ODAD1: variants seen among roughly 807,000 people sequenced by gnomAD.
The protein encoded by ODAD1 is outer dynein arm-docking complex subunit 1.
Under a neutral mutation model 67.2 loss-of-function variants are expected in ODAD1, and 49 were observed. The ratio of observed to expected loss-of-function variants is 0.73; its 90% CI spans 0.58 to 0.92. The LOEUF (loss-of-function observed/expected upper bound fraction) is 0.92. ODAD1 is among the 40% of genes least tolerant of loss of function. The pLI, the probability that ODAD1 is intolerant of heterozygous loss-of-function variation, is 0.00. For synonymous variants in ODAD1, 345 were observed against 393.7 expected (o/e 0.88, Z 1.46); for missense variants, 897 against 953.7 (o/e 0.94, Z 0.78).
At chr19:48,316,528 G>C (rs1418876933) in intron 5 of ODAD1, among the ~76,000 whole-genome samples, 1 of 152,140 alleles carries the variant, frequency 6.6e-6, no homozygotes, top group African/African-American at 2.4e-5. Flanking sequence ...AATGGAGTTT[G>C]GGAAAGTTCT....
chr19:48,310,763 G>A (rs1011770942), intron 7 of ODAD1, among the ~76,000 whole-genome samples: 2 of 152,194 alleles, frequency 1.3e-5, no homozygotes, highest in South Asian at 4.1e-4. Context: ...ACCTTTTTCT[G>A]TAATTTGAAA....
intron 9 of ODAD1, 53 bp from the exon 10 acceptor site, chr19:48,303,837 G>A (rs1456381976): frequency 6.3e-7 from 1 of 1,578,050 alleles, no homozygotes; most frequent in Admixed American, 1.8e-5. Flanking sequence ...CCAACACAGA[G>A]ACCTCCTGGG....
Position 48,320,364 on chromosome 19 carries a change from G to C in ODAD1, c.5C>G (p.Pro2Arg), listed in dbSNP as rs894145037. The C allele has an allele frequency of 7.8e-7, 1 of 1,288,904 alleles. No homozygotes were observed. Among genetic ancestry groups the C allele is most frequent in the Non-Finnish European group, 1.0e-6 (1 of 988,322 alleles). The allele number at this position is 1,288,904 out of a possible 1,614,324, so 79.8% of individuals were successfully genotyped here. The stretch of plus-strand genomic sequence containing the variant: ...GGCGCTCCCTGCCAAGCGTCCCAAA[G>C]GCATCCTGGCCAAACAGGGTGGGGC... M[P>R]LGRLAGSARS... The change falls in exon 3 of 16, where the codon CCT (proline) becomes CGT (arginine). Residue 2 changes from proline to arginine, a missense_variant. Pro to Arg is a moderately radical substitution (Grantham distance 103, BLOSUM62 -2). Coordinates refer to ENST00000674294, the MANE Select transcript of ODAD1 (RefSeq NM_001364171.2).
chr19:48,315,665 C>T (rs1968878877), intron 5 of ODAD1, among the ~76,000 whole-genome samples: 1 of 152,144 alleles, frequency 6.6e-6, no homozygotes, highest in Non-Finnish European at 1.5e-5. Context: ...TTCCTGCAGT[C>T]GAGTCTCCCC....
At position 48,297,155 on chromosome 19, in the gene ODAD1, A is replaced by C. The variant is rs1448376983; in HGVS notation, c.1945T>G (p.Ser649Ala). ...RPVSASSYLG[S>A]TGYVGSSRGG... is the part of the protein sequence containing the mutation. ...CTGCTGGACCCCACGTATCCAGTGG[A>C]GCCCAGGTAGCTGCTGGCGCTGACG... The change falls in exon 16 of 16, where the codon TCC (serine) becomes GCC (alanine). Residue 649 changes from serine to alanine, a missense_variant. Physicochemically the swap from Ser to Ala is moderately conservative, Grantham distance 99. Transcript: ENST00000674294. 1 of 1,613,894 alleles carries C rather than the reference A, an allele frequency of 6.2e-7. No individual in the cohort carries two copies. Among genetic ancestry groups the C allele is most frequent in the Non-Finnish European group, 8.5e-7 (1 of 1,180,002 alleles).
Position 48,297,261 on chromosome 19 carries a change from G to C in ODAD1, c.1839C>G (p.Ile613Met), listed in dbSNP as rs760039135. Reference protein sequence around the residue: ...SSSTGHLPSHITHGDPNTGHV... With the variant: ...SSSTGHLPSHMTHGDPNTGHV... ...GGCCAGTGTTGGGGTCACCGTGCGT[G>C]ATGTGGCTGGGCAAATGCCCAGTGC... The change falls in exon 16 of 16, where the codon ATC becomes ATG. Residue 613 changes from isoleucine to methionine, a missense_variant. By Grantham distance (10) the Ile-to-Met change is conservative. Transcript: ENST00000674294. 1 of 1,614,008 alleles carries C rather than the reference G, an allele frequency of 6.2e-7. No individual in the cohort carries two copies. Among genetic ancestry groups the C allele is most frequent in the East Asian group, 2.2e-5 (1 of 44,900 alleles).
chr19:48,305,928 G>A (rs970688259), intron 8 of ODAD1, among the ~76,000 whole-genome samples: 14 of 151,774 alleles, frequency 9.2e-5, no homozygotes, highest in East Asian at 5.9e-4. Flanking sequence ...CCACGGTGCC[G>A]GGCACCTGTA....
Position 48,318,457 on chromosome 19 carries a change from A to G in ODAD1, c.290T>C (p.Leu97Pro), listed in dbSNP as rs1335455164. 1 of 1,551,598 alleles carries G rather than the reference A, an allele frequency of 6.4e-7. No homozygotes were observed. ...CGCCTGCACCTGGGCCCGGCCCTTC[A>G]GCAGGCGGTCCATGTTCTCCAGCCG... is the stretch of plus-strand genomic sequence containing the variant. The part of the protein sequence containing the change: ...SQRLENMDRL[L>P]KGRAQVQAEI... Residue 97 changes from leucine (L) to proline (P), a missense_variant, in exon 5 of 16, where the codon CTG (leucine) becomes CCG (proline). Leu to Pro is a moderately conservative substitution (Grantham distance 98). Transcript: ENST00000674294.
In ODAD1 at chr19:48,296,860, G is replaced by C; in HGVS notation, c.*116C>G. ...AAACAGTTGAAGGGGCAAAAAGACA[G>C]AGGCCTGCCACTGGGAGAAAAAGAC... On this transcript the variant is annotated 3_prime_UTR_variant, in exon 16 of 16. Coordinates refer to ENST00000674294, the MANE Select transcript of ODAD1 (RefSeq NM_001364171.2). The C allele has an allele frequency of 7.0e-7, 1 of 1,436,562 alleles. No homozygotes were observed. Among genetic ancestry groups the C allele is most frequent in the Non-Finnish European group, 9.1e-7 (1 of 1,101,846 alleles). 89.0% of individuals were successfully genotyped at this position (1,436,562 alleles called of 1,614,324 possible).
rs770121868 is a variant in ODAD1 at position 48,298,338 on chromosome 19, T to A, written c.1243A>T (p.Ile415Phe). Residue 415 changes from isoleucine to phenylalanine, a missense_variant and splice_region_variant, in exon 13 of 16, where the codon ATC becomes TTC. Coordinates refer to ENST00000674294, the MANE Select transcript of ODAD1 (RefSeq NM_001364171.2). ...TGGGCCTTGGTGAAGAGGAGCTGGA[T>A]ATCTGCGTCATGGAGGGCCGGTTGT... The part of the protein sequence containing the change: ...RGQLEKLKAD[I>F]QLLFTKAHCD... The A allele has an allele frequency of 1.9e-6, 3 of 1,614,000 alleles. No homozygotes were observed. In the South Asian group the frequency reaches 3.3e-5, roughly 18 times the overall value.
intron 8 of ODAD1, among the ~76,000 whole-genome samples, chr19:48,305,220 A>G (rs1968574932): frequency 6.6e-6 from 1 of 152,146 alleles, no homozygotes; most frequent in South Asian, 2.1e-4. Flanking sequence ...AGCTCATGAG[A>G]GCCCCAGAGA....
chr19:48,318,488 T>C lies in ODAD1; in HGVS notation c.259A>G (p.Ser87Gly), dbSNP rs1163357809. ...CGGTCCATGTTCTCCAGCCGCTGAC[T>C]GTCCCGAAGCCGCTTGACCTGGTTC... ...AQNQVKRLRD[S>G]QRLENMDRLL... The change falls in exon 5 of 16, where the codon AGT (serine) becomes GGT (glycine). Residue 87 changes from serine (S) to glycine (G), a missense_variant. By Grantham distance (56) the Ser-to-Gly change is moderately conservative. Coordinates refer to ENST00000674294, the MANE Select transcript of ODAD1 (RefSeq NM_001364171.2). The C allele has an allele frequency of 4.5e-6, 7 of 1,551,540 alleles. No homozygotes were observed. In the Admixed American group the frequency reaches 1.4e-4, roughly 30 times the overall value.
chr19:48,311,594 C>T lies in ODAD1; in HGVS notation c.556G>A (p.Asp186Asn), dbSNP rs372015636. ...TCCACGTTCAGATAGCGGTTCCTGT[C>T]GATCCGCAGCAGATCCAGCTCCTCC... ...LREELDLLRI[D>N]RNRYLNVDRK... Residue 186 changes from aspartate to asparagine, a missense_variant, in exon 7 of 16, where the codon GAC becomes AAC. By Grantham distance (23) the Asp-to-Asn change is conservative. Transcript: ENST00000674294. 16 of 1,550,878 alleles carry T rather than the reference C, an allele frequency of 1.0e-5. No individual in the cohort carries two copies. The highest frequency in any genetic ancestry group is 3.3e-4 in the Middle Eastern group (2 of 6,010).
chr19:48,316,389 A>C (rs927791528), intron 5 of ODAD1, among the ~76,000 whole-genome samples: 7 of 151,596 alleles, frequency 4.6e-5, no homozygotes, highest in African/African-American at 7.3e-5. Context: ...AAAAAAAAAA[A>C]ACAAACCTGC....
chr19:48,311,810 C>A, intron 6 of ODAD1, 144 bp from the exon 7 acceptor site: 1 of 784,908 alleles, frequency 1.3e-6, no homozygotes, highest in Non-Finnish European at 2.1e-6. Context: ...TTCCCGAAAT[C>A]AATGTCCACT....
chr19:48,297,527 A>T lies in ODAD1; in HGVS notation c.1582-9T>A. 6.2e-7 allele frequency: 1 copy of T among 1,602,638 alleles called. No homozygotes were observed. ...TGCTCCTGGAGCTCCACCTGCAGGGAAGGTGAACTGGGCCCCGACACACAC... is the reference window on the plus strand; with the variant it reads ...TGCTCCTGGAGCTCCACCTGCAGGGTAGGTGAACTGGGCCCCGACACACAC... On this transcript the variant is annotated splice_polypyrimidine_tract_variant and intron_variant, in intron 15 of 15. Transcript: ENST00000674294.
chr19:48,296,891 CCCACA>C lies in ODAD1; in HGVS notation c.*80_*84del. ...TGCCACTGGGAGAAAAAGACAGAGA[CCCACA>C]AGGCAAACAGGGGAAGTAGAGACAC... is the stretch of plus-strand genomic sequence containing the variant. On this transcript the variant is annotated 3_prime_UTR_variant, in exon 16 of 16. Transcript: ENST00000674294. 6.9e-7 allele frequency: 1 copy of C among 1,448,636 alleles called. No homozygotes were observed. Among genetic ancestry groups the C allele is most frequent in the Non-Finnish European group, 9.0e-7 (1 of 1,107,424 alleles). 89.7% of individuals were successfully genotyped at this position (1,448,636 alleles called of 1,614,324 possible).
intron 5 of ODAD1, 21 bp downstream of exon 5, chr19:48,318,366 G>T (rs933952333): frequency 1.3e-6 from 2 of 1,544,906 alleles, no homozygotes; most frequent in African/African-American, 2.7e-5. Flanking sequence ...AGGATCCGTA[G>T]AACCACCTCT....
Position 48,297,679 on chromosome 19 carries a change from G to GAAGGA in ODAD1, c.1503-16_1503-12dup, listed in dbSNP as rs774634599. ...CCCGGGGGGTCTTCTCTGGGGAGGG[G>GAAGGA]AAGGAAAATTGGAAAAGACTAGACC... On this transcript the variant is annotated splice_polypyrimidine_tract_variant and intron_variant, in intron 14 of 15. Coordinates refer to ENST00000674294, the MANE Select transcript of ODAD1 (RefSeq NM_001364171.2). 2.9e-5 allele frequency: 43 copies of GAAGGA among 1,499,334 alleles called. No individual in the cohort carries two copies. Among genetic ancestry groups the GAAGGA allele is most frequent in the Non-Finnish European group, 3.8e-5 (43 of 1,123,850 alleles). 92.9% of individuals were successfully genotyped at this position (1,499,334 alleles called of 1,614,324 possible).
Sources: allele counts gnomAD v4.1 joint callset (sites outside exome capture counted in the v4.1 genomes callset), GRCh38; gene constraint gnomAD v4.1.1; transcripts MANE v1.5; gene names NCBI Gene and HGNC (gene_info 2026-07-23, HGNC 2026-07-21).